PAIP2B: variants seen among roughly 807,000 people sequenced by gnomAD.
The protein encoded by PAIP2B is polyadenylate-binding protein-interacting protein 2B.
PAIP2B carries 13 observed loss-of-function variants against 17.0 expected under a neutral mutation model. The ratio of observed to expected loss-of-function variants is 0.76; its 90% CI spans 0.50 to 1.22. PAIP2B has a LOEUF of 1.22. Ranked by LOEUF, PAIP2B falls within the 50% of genes most tolerant of loss-of-function variation. PAIP2B has a pLI of 0.00. For missense variants in PAIP2B, 117 were observed against 144.5 expected (o/e 0.81, Z 0.98); for synonymous variants, 43 against 48.7 (o/e 0.88, Z 0.48).
At chr2:71,213,506 G>A (rs1316658174) in intron 1 of PAIP2B, among the ~76,000 whole-genome samples, 1 of 152,172 alleles carries the variant, frequency 6.6e-6, no homozygotes, top group Non-Finnish European at 1.5e-5. Flanking sequence ...TCTGGCTAAT[G>A]AGGGCACAGT....
intron 2 of PAIP2B, among the ~76,000 whole-genome samples, chr2:71,201,199 TG>T (rs1363481610): frequency 1.3e-5 from 2 of 152,202 alleles, no homozygotes; most frequent in African/African-American, 4.8e-5. Context: ...TCCTGATCAC[TG>T]GGGTTAAGAG....
At position 71,201,799 on chromosome 2, in the gene PAIP2B, GTT is replaced by G. The variant is rs563816126; in HGVS notation, c.138+651_138+652del. ...AGAAAAACAACCTCACTACCATTCT[GTT>G]TTTTAGTGCTCCACTGTTCAAGCAA... On this transcript the variant is annotated intron_variant, in intron 2 of 3. Coordinates refer to ENST00000244221, the MANE Select transcript of PAIP2B (RefSeq NM_020459.1). 1.8e-4 allele frequency among the ~76,000 whole-genome samples: 27 copies of G among 152,240 alleles called. 2 individuals carry two copies. In the South Asian group the frequency reaches 5.6e-3, roughly 32 times the overall value.
intron 1 of PAIP2B, among the ~76,000 whole-genome samples, chr2:71,205,886 G>T (rs1051179868): frequency 1.3e-5 from 2 of 152,146 alleles, no homozygotes; most frequent in Non-Finnish European, 2.9e-5. Context: ...ATTACAGAGA[G>T]GCTCATGGGA....
intron 2 of PAIP2B, among the ~76,000 whole-genome samples, chr2:71,191,373 T>C (rs1274820604): frequency 6.6e-6 from 1 of 152,228 alleles, no homozygotes; most frequent in Non-Finnish European, 1.5e-5. Context: ...ATTTGAGAGC[T>C]GCCCTGACTC....
At chr2:71,208,918 C>A (rs1040630121) in intron 1 of PAIP2B, among the ~76,000 whole-genome samples, 9 of 152,176 alleles carry the variant, frequency 5.9e-5, no homozygotes, top group African/African-American at 2.2e-4. Context: ...AGTGGCCCTC[C>A]TGATGCCTTG....
intron 2 of PAIP2B, among the ~76,000 whole-genome samples, chr2:71,190,727 T>G (rs1187620068): frequency 6.6e-6 from 1 of 152,156 alleles, no homozygotes; most frequent in East Asian, 1.9e-4. Flanking sequence ...TCCCATTTTA[T>G]AAGAAATATG....
chr2:71,209,157 G>T (rs902072680), intron 1 of PAIP2B, among the ~76,000 whole-genome samples: 1 of 152,146 alleles, frequency 6.6e-6, no homozygotes, highest in African/African-American at 2.4e-5. Flanking sequence ...CGGAAAAAAT[G>T]AGAATGAAAG....
Position 71,189,629 on chromosome 2 carries a change from C to T in PAIP2B, c.315+216G>A, listed in dbSNP as rs185142769. Among the ~76,000 whole-genome samples the T allele has an allele frequency of 2.0e-4, 30 of 152,230 alleles. 1 individual carries two copies. The East Asian group carries it at 5.0e-3, about 25-fold the overall frequency. On this transcript the variant is annotated intron_variant, in intron 3 of 3. Coordinates refer to ENST00000244221, the MANE Select transcript of PAIP2B (RefSeq NM_020459.1). Reference sequence around the variant, plus strand: ...GTCCAATCTTGGCAAGTAAAAAGCCCGTGATGCTGGCAACAGTAATGTTTT... The same window carrying T: ...GTCCAATCTTGGCAAGTAAAAAGCCTGTGATGCTGGCAACAGTAATGTTTT...
At chr2:71,213,103 T>G (rs1675342091) in intron 1 of PAIP2B, among the ~76,000 whole-genome samples, 1 of 152,116 alleles carries the variant, frequency 6.6e-6, no homozygotes, top group Non-Finnish European at 1.5e-5. Flanking sequence ...GTGTTCTTGT[T>G]TACTATTTTA....
intron 2 of PAIP2B, among the ~76,000 whole-genome samples, chr2:71,199,923 T>C (rs7557025): frequency 0.067 from 10,127 of 152,226 alleles, 377 homozygotes; most frequent in African/African-American, 0.092. Flanking sequence ...ATAACTAGTA[T>C]GTTAGGTCTT....
intron 1 of PAIP2B, among the ~76,000 whole-genome samples, chr2:71,217,729 A>G (rs1258698474): frequency 6.6e-6 from 1 of 152,172 alleles, no homozygotes; most frequent in Non-Finnish European, 1.5e-5. Flanking sequence ...ACTAGCAATA[A>G]AGCCTCAAAT....
At chr2:71,190,929 A>G (rs13004935) in intron 2 of PAIP2B, among the ~76,000 whole-genome samples, 9,856 of 152,294 alleles carry the variant, frequency 0.065, 351 homozygotes, top group African/African-American at 0.088. Context: ...TCAATGTAGT[A>G]TTCTTTCAAA....
chr2:71,226,343 T>C (rs1675725292), intron 1 of PAIP2B, among the ~76,000 whole-genome samples: 1 of 152,156 alleles, frequency 6.6e-6, no homozygotes, highest in African/African-American at 2.4e-5. Flanking sequence ...GGTGATGGGC[T>C]CACTCACGGA....
Position 71,185,608 on chromosome 2 carries a change from GC to G in PAIP2B, c.*2870del, listed in dbSNP as rs1674517014. On this transcript the variant is annotated 3_prime_UTR_variant, in exon 4 of 4. Transcript: ENST00000244221. ...AAAAAAAAAAAGAGGGACCCCAGCT[GC>G]TGTGACTTTGGAAACTAAAGGTGTT... 6.6e-6 allele frequency: 1 copy of G among 150,956 alleles called. No individual in the cohort carries two copies. The highest frequency in any genetic ancestry group is 1.5e-5 in the Non-Finnish European group (1 of 67,934). The allele number at this position is 150,956 out of a possible 1,614,324, so 9.4% of individuals were successfully genotyped here.
At chr2:71,219,490 T>C (rs1383928263) in intron 1 of PAIP2B, among the ~76,000 whole-genome samples, 2 of 152,130 alleles carry the variant, frequency 1.3e-5, no homozygotes, top group African/African-American at 4.8e-5. Context: ...TGTTTTAAAT[T>C]GTTTTACTCT....
At chr2:71,203,757 TA>T (rs1558777349) in intron 1 of PAIP2B, among the ~76,000 whole-genome samples, 1 of 151,734 alleles carries the variant, frequency 6.6e-6, no homozygotes, top group Non-Finnish European at 1.5e-5. Flanking sequence ...AATGAAAGTT[TA>T]TAACTAAAAT....
intron 2 of PAIP2B, 32 bp downstream of exon 2, chr2:71,202,420 T>A: frequency 1.2e-6 from 2 of 1,606,776 alleles, no homozygotes; most frequent in Non-Finnish European, 1.7e-6. Flanking sequence ...ACATGTATCA[T>A]CAATCTTCCA....
At chr2:71,210,876 C>T (rs1412086068) in intron 1 of PAIP2B, among the ~76,000 whole-genome samples, 1 of 152,176 alleles carries the variant, frequency 6.6e-6, no homozygotes, top group East Asian at 1.9e-4. Context: ...TAAAACTGAA[C>T]TTAATTACAG....
intron 3 of PAIP2B, 52 bp downstream of exon 3, chr2:71,189,793 A>G: frequency 2.1e-6 from 3 of 1,458,900 alleles, no homozygotes; most frequent in Non-Finnish European, 2.8e-6. Flanking sequence ...TGTCATTCCA[A>G]ATCCTATATT....
Sources: gnomAD v4.1 joint callset for allele counts (sites outside exome capture counted in the v4.1 genomes callset) on GRCh38, gnomAD v4.1.1 for gene constraint, MANE v1.5 for transcripts, NCBI Gene and HGNC (gene_info 2026-07-23, HGNC 2026-07-21) for gene names.